Variants in AOPEP observed in about 807,000 individuals in gnomAD.
AOPEP encodes aminopeptidase O.
In AOPEP, 77 loss-of-function variants were observed where a neutral mutation model predicts 98.1. The ratio of observed to expected loss-of-function variants is 0.78; its 90% CI spans 0.65 to 0.95. The LOEUF (loss-of-function observed/expected upper bound fraction) is 0.95, where lower values mean the gene tolerates loss of function less well. Among genes scored for constraint, AOPEP ranks in the 40% least tolerant of loss-of-function variants. The pLI, the probability that AOPEP is intolerant of heterozygous loss-of-function variation, is 0.00. For synonymous variants in AOPEP, 346 were observed against 365.3 expected, an observed-to-expected ratio of 0.95 and a Z score of 0.60; for missense variants, 1,024 against 1,024.7, an observed-to-expected ratio of 1.00 and a Z score of 0.01.
intron 14 of AOPEP, among the ~76,000 whole-genome samples, chr9:95,061,747 T>G (rs565286954): frequency 6.6e-6 from 1 of 152,276 alleles, no homozygotes; most frequent in East Asian, 1.9e-4. Context: ...AACCAAAAGG[T>G]AAGATGGCCA....
chr9:94,731,469 G>A (rs548977071), intron 1 of AOPEP, among the ~76,000 whole-genome samples: 7 of 151,860 alleles, frequency 4.6e-5, no homozygotes, highest in Admixed American at 2.6e-4. Flanking sequence ...CCCGTGATCC[G>A]CCTGCCTCAG....
At chr9:94,920,078 G>GGAC (rs1406067562) in intron 5 of AOPEP, 1 of 152,132 alleles carries the variant, frequency 6.6e-6, no homozygotes, top group Non-Finnish European at 1.5e-5. Context: ...ACCTGAGGTT[G>GGAC]GGAGTTTGAG....
At chr9:95,093,988 AGGGTAAGAGTGT>A in the AOPEP span, among the ~76,000 whole-genome samples, 1 of 152,148 alleles carries the variant, frequency 6.6e-6, no homozygotes, top group Non-Finnish European at 1.5e-5. Flanking sequence ...CCCGGGCTCA[AGGGTAAGAGTGT>A]GCACTTGCTT....
At chr9:94,789,446 G>GT (rs1001093233) in intron 3 of AOPEP, among the ~76,000 whole-genome samples, 9 of 151,788 alleles carry the variant, frequency 5.9e-5, no homozygotes, top group South Asian at 2.1e-4. Context: ...AAGAAAATGT[G>GT]TTTTTTTTAG....
intron 7 of AOPEP, among the ~76,000 whole-genome samples, chr9:94,940,888 C>T (rs965747051): frequency 1.3e-5 from 2 of 152,086 alleles, no homozygotes; most frequent in African/African-American, 2.4e-5. Context: ...GGCATCTGCT[C>T]CTGTCTCTTG....
the AOPEP span, among the ~76,000 whole-genome samples, chr9:95,113,052 G>A: frequency 7.2e-5 from 11 of 152,230 alleles, no homozygotes; most frequent in Non-Finnish European, 1.5e-4. Flanking sequence ...CTGTCCCCGA[G>A]TTAAGATTCT....
downstream of AOPEP, among the ~76,000 whole-genome samples, chr9:95,090,549 C>A (rs1032062852): frequency 1.3e-5 from 2 of 152,134 alleles, no homozygotes; most frequent in Non-Finnish European, 2.9e-5. Context: ...AGGGCCCCCC[C>A]TTCGAAGGGA....
At chr9:94,731,531 T>G (rs1398261389) in intron 1 of AOPEP, among the ~76,000 whole-genome samples, 3 of 151,506 alleles carry the variant, frequency 2.0e-5, no homozygotes, top group African/African-American at 7.3e-5. Context: ...CGGCCCAACT[T>G]GTTTTTTTAA....
At chr9:94,973,903 G>T (rs951856546) in intron 10 of AOPEP, among the ~76,000 whole-genome samples, 1 of 152,168 alleles carries the variant, frequency 6.6e-6, no homozygotes, top group Non-Finnish European at 1.5e-5. Flanking sequence ...AAAATTCACC[G>T]TTGGCTTGGA....
chr9:94,884,697 G>C (rs1049120027), intron 5 of AOPEP, among the ~76,000 whole-genome samples: 1 of 152,200 alleles, frequency 6.6e-6, no homozygotes, highest in African/African-American at 2.4e-5. Context: ...GATGAAGCGA[G>C]TAAATGCATG....
chr9:94,889,918 A>G (rs1454064493), intron 5 of AOPEP, among the ~76,000 whole-genome samples: 2 of 152,160 alleles, frequency 1.3e-5, no homozygotes, highest in African/African-American at 4.8e-5. Context: ...TCACATTTCT[A>G]TAATGGCTAA....
chr9:95,116,176 C>T, the AOPEP span, among the ~76,000 whole-genome samples: 1 of 152,274 alleles, frequency 6.6e-6, no homozygotes, highest in Non-Finnish European at 1.5e-5. Context: ...ACACTAACAA[C>T]TCCAGTACAT....
chr9:94,971,561 A>G (rs1298166078), intron 10 of AOPEP, among the ~76,000 whole-genome samples: 2 of 152,092 alleles, frequency 1.3e-5, no homozygotes, highest in African/African-American at 2.4e-5. Context: ...TCTGTTGCAA[A>G]CTGATCCTTG....
chr9:94,782,867 GC>G (rs1259280916), intron 3 of AOPEP, among the ~76,000 whole-genome samples: 2 of 152,158 alleles, frequency 1.3e-5, no homozygotes, highest in African/African-American at 4.8e-5. Flanking sequence ...ACTAGTTCTT[GC>G]TTACCCTCCT....
chr9:94,964,931 A>G lies in AOPEP; in HGVS notation c.1873-2827A>G, dbSNP rs991559576. 2.4e-4 allele frequency among the ~76,000 whole-genome samples: 37 copies of G among 152,058 alleles called. 1 individual carries two copies. Among genetic ancestry groups the G allele is most frequent in the Non-Finnish European group, 5.9e-5 (4 of 68,004 alleles). ...TGGGATTACAGGCGTGAGACACCAC[A>G]CCCGGCCCCTACAAGGACTTGGATT... On this transcript the variant is annotated intron_variant, in intron 9 of 16. Transcript: ENST00000375315.
rs140048188 is a variant in AOPEP, at chr9:94,970,693, T to C, written c.1916+2892T>C. ...TGGGAGGTCTGAAATGTTTTCAGAT[T>C]TGCTGTCTTGAAAAAAAAAAAACAG... On this transcript the variant is annotated intron_variant, in intron 10 of 16. Coordinates refer to ENST00000375315, the MANE Select transcript of AOPEP (RefSeq NM_001193329.3). 3.2e-3 allele frequency among the ~76,000 whole-genome samples: 487 copies of C among 151,754 alleles called. 4 individuals are homozygous for C. Among genetic ancestry groups the C allele is most frequent in the African/African-American group, 0.011 (473 of 41,346 alleles).
intron 7 of AOPEP, among the ~76,000 whole-genome samples, chr9:94,938,459 A>G (rs1032448773): frequency 3.3e-5 from 5 of 152,332 alleles, no homozygotes; most frequent in Non-Finnish European, 5.9e-5. Context: ...ATTTAGTTAG[A>G]AAGGGCTACA....
chr9:94,992,720 G>A (rs577655274), intron 11 of AOPEP, among the ~76,000 whole-genome samples: 6 of 152,340 alleles, frequency 3.9e-5, no homozygotes, highest in African/African-American at 1.2e-4. Context: ...GGTAAGGGGA[G>A]CTGGCCTGGG....
In AOPEP at chr9:94,754,358, A is replaced by G. The variant is rs941952240; in HGVS notation, c.-135-5291A>G. On this transcript the variant is annotated intron_variant, in intron 1 of 16. Transcript: ENST00000375315. Reference sequence around the variant, plus strand: ...AATAGCAGAAAGCTGTCATTCTCTGATCAAGTAATCGGTGGAATTAAATAG... The same window carrying G: ...AATAGCAGAAAGCTGTCATTCTCTGGTCAAGTAATCGGTGGAATTAAATAG... 3.1e-4 allele frequency among the ~76,000 whole-genome samples: 47 copies of G among 152,230 alleles called. 2 individuals are homozygous for G. Among genetic ancestry groups the G allele is most frequent in the Non-Finnish European group, 2.9e-5 (2 of 68,042 alleles).
Sources: gnomAD v4.1 joint callset for allele counts (sites outside exome capture counted in the v4.1 genomes callset) on GRCh38, gnomAD v4.1.1 for gene constraint, MANE v1.5 for transcripts, NCBI Gene and HGNC (gene_info 2026-07-23, HGNC 2026-07-21) for gene names.